Variants in GLB1 observed in about 807,000 individuals in gnomAD.
The protein encoded by GLB1 is galactosidase beta 1.
In GLB1, 56 loss-of-function variants were observed where a neutral mutation model predicts 74.0. The observed-to-expected ratio is 0.76, with a 90% CI of 0.61 to 0.94. The LOEUF (loss-of-function observed/expected upper bound fraction) is 0.94. GLB1 is among the 40% of genes least tolerant of loss of function. The probability of loss-of-function intolerance (pLI) is 0.00; values close to 1 mark genes in which losing one functional copy is unlikely to be tolerated. For missense variants in GLB1, 787 were observed against 845.5 expected, an observed-to-expected ratio of 0.93 and a Z score of 0.86; for synonymous variants, 323 against 323.6, an observed-to-expected ratio of 1.00 and a Z score of 0.02.
rs549199872 is a variant in GLB1 at position 33,020,870 on chromosome 3, T to A, written c.1233+696A>T. 4.6e-5 allele frequency among the ~76,000 whole-genome samples: 7 copies of A among 151,982 alleles called. No individual in the cohort carries two copies. In the South Asian group the frequency reaches 1.2e-3, roughly 27 times the overall value. On this transcript the variant is annotated intron_variant, in intron 12 of 15. Transcript: ENST00000307363. ...GACATGGTGCTGATAACTCAAATGG[T>A]TAGAAAAAGAAAAGCAGTTGACTAC...
chr3:32,977,691 T>A, the GLB1 span, among the ~76,000 whole-genome samples: 1 of 152,156 alleles, frequency 6.6e-6, no homozygotes, highest in East Asian at 1.9e-4. Context: ...TAAAATCCTA[T>A]GCCACTTGTC....
chr3:32,978,425 G>A, the GLB1 span, among the ~76,000 whole-genome samples: 4 of 152,062 alleles, frequency 2.6e-5, no homozygotes, highest in Admixed American at 1.3e-4. Context: ...AATTGTTGAA[G>A]AGGGAGAGAA....
At chr3:33,013,119 C>G (rs1449425954) in intron 15 of GLB1, among the ~76,000 whole-genome samples, 1 of 152,196 alleles carries the variant, frequency 6.6e-6, no homozygotes, top group Non-Finnish European at 1.5e-5. Flanking sequence ...TGACATTTTC[C>G]CCTCCAACCC....
chr3:33,018,410 C>T (rs1306560562), intron 13 of GLB1, 38 bp downstream of exon 13: 1 of 1,583,064 alleles, frequency 6.3e-7, no homozygotes, highest in Non-Finnish European at 8.6e-7. Flanking sequence ...TCCCCACCCT[C>T]ACTGGGACAA....
the GLB1 span, among the ~76,000 whole-genome samples, chr3:32,968,855 C>A: frequency 6.6e-6 from 1 of 152,190 alleles, no homozygotes; most frequent in East Asian, 1.9e-4. Context: ...GTCATGGCAT[C>A]GCCCAGTGAC....
At position 33,068,260 on chromosome 3, in the gene GLB1, C is replaced by G. The variant is rs1391112406; in HGVS notation, c.427G>C (p.Glu143Gln). ...TCGGAGGAGCGGAGAAGAATAGACT[C>G]TTTCTCTAGCAGCCAAGCAGGTAAT... is the stretch of plus-strand genomic sequence containing the variant. Reference protein sequence around the residue: ...GGLPAWLLEKESILLRSSDPD... With the variant: ...GGLPAWLLEKQSILLRSSDPD... The change falls in exon 4 of 16, where the codon GAG (glutamate) becomes CAG (glutamine). Residue 143 changes from glutamate to glutamine, a missense_variant. Glu to Gln is a conservative substitution (Grantham distance 29). Coordinates refer to ENST00000307363, the MANE Select transcript of GLB1 (RefSeq NM_000404.4). 3.7e-6 allele frequency: 6 copies of G among 1,614,032 alleles called. No homozygotes were observed. Among genetic ancestry groups the G allele is most frequent in the Non-Finnish European group, 5.1e-6 (6 of 1,179,954 alleles).
At chr3:32,976,314 T>C in the GLB1 span, among the ~76,000 whole-genome samples, 1 of 152,174 alleles carries the variant, frequency 6.6e-6, no homozygotes, top group African/African-American at 2.4e-5. Context: ...TCGAGGGCCT[T>C]TTCTGCTTCC....
At chr3:32,968,937 C>T in the GLB1 span, among the ~76,000 whole-genome samples, 6 of 152,222 alleles carry the variant, frequency 3.9e-5, no homozygotes, top group South Asian at 1.2e-3. Context: ...GCTGCCACTG[C>T]CCTACTGGCA....
chr3:33,027,016 T>A (rs1283440489), intron 10 of GLB1, among the ~76,000 whole-genome samples: 1 of 152,238 alleles, frequency 6.6e-6, no homozygotes, highest in Non-Finnish European at 1.5e-5. Context: ...CAAATAGGGC[T>A]GAAACATGCC....
chr3:33,010,187 CCTT>C (rs1473034106), intron 15 of GLB1, among the ~76,000 whole-genome samples: 2 of 152,200 alleles, frequency 1.3e-5, no homozygotes, highest in Admixed American at 6.5e-5. Context: ...CCCAAATGTA[CCTT>C]CTTATCTTTC....
intron 10 of GLB1, among the ~76,000 whole-genome samples, chr3:33,043,252 T>C (rs1199987084): frequency 2.6e-5 from 4 of 152,114 alleles, no homozygotes; most frequent in Non-Finnish European, 5.9e-5. Flanking sequence ...GTGATAGAGG[T>C]GAGGACAGCT....
rs145702176 is a variant in GLB1, at chr3:33,093,440, G to A, written c.75+3571C>T. 228 of 1,614,014 alleles carry A rather than the reference G, an allele frequency of 1.4e-4. 1 individual carries two copies. In the Middle Eastern group the frequency reaches 1.8e-3, roughly 13 times the overall value. ...GAGCGACAGCCGTCCGCAGGACCGA[G>A]GCTTCTGAGTCGGAGAGGTCACCCA... On this transcript the variant is annotated intron_variant, in intron 1 of 15. Transcript: ENST00000307363. The surrounding 1 kb of genome is among the most constrained non-coding windows in gnomAD (Gnocchi z 6.0).
At chr3:32,978,516 G>T in the GLB1 span, among the ~76,000 whole-genome samples, 1 of 152,224 alleles carries the variant, frequency 6.6e-6, no homozygotes, top group Non-Finnish European at 1.5e-5. Context: ...ACGGCAAAAA[G>T]TCCAAGCCTG....
chr3:33,059,740 G>A (rs544361763), intron 5 of GLB1, among the ~76,000 whole-genome samples: 7 of 152,186 alleles, frequency 4.6e-5, no homozygotes, highest in African/African-American at 1.7e-4. Context: ...TGTTTATGTG[G>A]GTGTTCACAC....
chr3:33,036,714 C>T (rs1424341992), intron 10 of GLB1, among the ~76,000 whole-genome samples: 1 of 62,214 alleles, frequency 1.6e-5, no homozygotes, highest in Non-Finnish European at 4.1e-5. Flanking sequence ...AAATGAAATT[C>T]TGACACGTTA....
intron 1 of GLB1, among the ~76,000 whole-genome samples, chr3:33,089,127 T>A (rs972838224): frequency 6.6e-6 from 1 of 152,184 alleles, no homozygotes; most frequent in African/African-American, 2.4e-5. Context: ...TACACAAAAA[T>A]TAATTCAATA....
chr3:32,970,620 T>C, the GLB1 span, among the ~76,000 whole-genome samples: 1 of 152,326 alleles, frequency 6.6e-6, no homozygotes, highest in South Asian at 2.1e-4. Flanking sequence ...TGTTATCATG[T>C]CTACTCTCAC....
intron 15 of GLB1, among the ~76,000 whole-genome samples, chr3:32,998,190 A>C (rs1300659607): frequency 1.3e-5 from 2 of 152,212 alleles, no homozygotes; most frequent in East Asian, 3.8e-4. Context: ...GTCTGTCTAC[A>C]CAGCCTCTCT....
the GLB1 span, among the ~76,000 whole-genome samples, chr3:32,978,398 A>C: frequency 5.3e-5 from 8 of 152,068 alleles, no homozygotes; most frequent in African/African-American, 1.2e-4. Flanking sequence ...CAAAAAAAAA[A>C]ACAAATTTCC....
Sources: allele counts gnomAD v4.1 joint callset (sites outside exome capture counted in the v4.1 genomes callset), GRCh38; gene constraint gnomAD v4.1.1; non-coding constraint Gnocchi (gnomAD v3.1); transcripts MANE v1.5; gene names NCBI Gene and HGNC (gene_info 2026-07-23, HGNC 2026-07-21).